The following AXDND1 variants were observed in gnomAD, a reference collection of about 807,000 sequenced individuals.
The protein encoded by AXDND1 is axonemal dynein light chain domain-containing protein 1.
AXDND1 carries 110 observed loss-of-function variants against 137.5 expected under a neutral mutation model. The observed-to-expected ratio is 0.80, with a 90% CI of 0.69 to 0.94. The LOEUF (loss-of-function observed/expected upper bound fraction) is 0.94. Ranked by LOEUF, AXDND1 falls within the 40% of genes least tolerant of loss-of-function variation. The pLI is 0.00. For synonymous variants in AXDND1, 414 were observed against 399.7 expected (o/e 1.04, Z -0.43); for missense variants, 1,191 against 1,169.8 (o/e 1.02, Z -0.26).
At chr1:179,403,126 AAC>A (rs756043305) in intron 11 of AXDND1, among the ~76,000 whole-genome samples, 17 of 152,338 alleles carry the variant, frequency 1.1e-4, no homozygotes, top group Admixed American at 4.6e-4. Context: ...ACAGTCAATT[AAC>A]ACATATTTTG....
intron 11 of AXDND1, among the ~76,000 whole-genome samples, chr1:179,410,885 AT>A (rs1653765413): frequency 6.6e-6 from 1 of 152,174 alleles, no homozygotes; most frequent in Non-Finnish European, 1.5e-5. Flanking sequence ...AAGATGAAAA[AT>A]GTTTAGAGCA....
Position 179,468,429 on chromosome 1 carries a change from T to G in AXDND1, c.1799-14T>G. On this transcript the variant is annotated splice_polypyrimidine_tract_variant and intron_variant, in intron 16 of 25. Coordinates refer to ENST00000367618, the MANE Select transcript of AXDND1 (RefSeq NM_144696.6). ...AAATATTTCTAAAAGTTAATGCTTT[T>G]CTTACTTTTCTAGGTTACTCCAAAA... 6.5e-7 allele frequency: 1 copy of G among 1,549,898 alleles called. No homozygotes were observed. The highest frequency in any genetic ancestry group is 8.8e-7 in the Non-Finnish European group (1 of 1,135,340).
intron 12 of AXDND1, among the ~76,000 whole-genome samples, chr1:179,428,289 G>T (rs1487855475): frequency 6.6e-6 from 1 of 152,234 alleles, no homozygotes; most frequent in Non-Finnish European, 1.5e-5. Flanking sequence ...TATTTCAATA[G>T]TAGAGAGCTG....
At chr1:179,379,623 G>A (rs1308363137) in intron 6 of AXDND1, 141 bp downstream of exon 6, 7 of 1,095,686 alleles carry the variant, frequency 6.4e-6, no homozygotes, top group Admixed American at 6.3e-5. Context: ...GTGAAAGTCC[G>A]TCTCTACAGA....
chr1:179,513,083 A>G (rs902916126), intron 21 of AXDND1, among the ~76,000 whole-genome samples: 6 of 152,142 alleles, frequency 3.9e-5, no homozygotes, highest in Non-Finnish European at 8.8e-5. Context: ...TCTGGCTGGG[A>G]CTTCCAGTTC....
intron 15 of AXDND1, among the ~76,000 whole-genome samples, chr1:179,441,033 G>A (rs11802637): frequency 0.29 from 44,639 of 152,056 alleles, 6,771 homozygotes; most frequent in Non-Finnish European, 0.31. Context: ...TCCACCTGGA[G>A]TAGGGTGAGG....
chr1:179,473,986 G>A (rs1664288550), intron 17 of AXDND1, among the ~76,000 whole-genome samples: 1 of 152,102 alleles, frequency 6.6e-6, no homozygotes, highest in African/African-American at 2.4e-5. Flanking sequence ...CATTTTGGGA[G>A]GCCAACGTGG....
chr1:179,491,196 A>C (rs1415748278), intron 18 of AXDND1, among the ~76,000 whole-genome samples: 2 of 152,150 alleles, frequency 1.3e-5, no homozygotes, highest in Non-Finnish European at 1.5e-5. Context: ...TGGTGGTCCC[A>C]GCTACTCAGG....
intron 3 of AXDND1, 76 bp from the exon 4 acceptor site, chr1:179,369,899 A>T: frequency 8.9e-7 from 1 of 1,127,682 alleles, no homozygotes; most frequent in Admixed American, 2.0e-5. Context: ...TACAGTACTT[A>T]CTCAAAACTA....
rs199761398 is a variant in AXDND1 at position 179,541,672 on chromosome 1, CATA to C, written c.3031+6717_3031+6719del. Among the ~76,000 whole-genome samples the C allele has an allele frequency of 8.9e-4, 121 of 135,710 alleles. 1 individual carries two copies. The East Asian group carries it at 0.022, about 25-fold the overall frequency. 89.0% of individuals were successfully genotyped at this position (135,710 alleles called of 152,430 possible). The stretch of plus-strand genomic sequence containing the variant: ...TGCATAATATATGCATGATAATATG[CATA>C]ATAATATTGCATGATAATATGCATG... On this transcript the variant is annotated intron_variant, in intron 25 of 25. Coordinates refer to ENST00000367618, the MANE Select transcript of AXDND1 (RefSeq NM_144696.6).
intron 21 of AXDND1, among the ~76,000 whole-genome samples, chr1:179,515,342 G>A (rs559906427): frequency 2.0e-5 from 3 of 152,132 alleles, no homozygotes; most frequent in African/African-American, 4.8e-5. Context: ...GCTTAGTTTC[G>A]CTGGATACAA....
intron 20 of AXDND1, among the ~76,000 whole-genome samples, chr1:179,493,903 T>G (rs1667183372): frequency 6.6e-6 from 1 of 152,202 alleles, no homozygotes; most frequent in African/African-American, 2.4e-5. Context: ...CAGCAGTATC[T>G]GAGAGTTCCA....
intron 11 of AXDND1, among the ~76,000 whole-genome samples, chr1:179,406,490 T>G (rs1162513670): frequency 6.6e-6 from 1 of 152,172 alleles, no homozygotes. Context: ...TTAGCTTCCA[T>G]CTGTCTCTTT....
chr1:179,550,973 C>T lies in AXDND1; in HGVS notation c.3032-3539C>T, dbSNP rs2274623. On this transcript the variant is annotated intron_variant, in intron 25 of 25. Transcript: ENST00000367618. ...ATAATTGCTCTGACTAGATGAGTCA[C>T]GGAAACATGTTGTCTGCCTTCTCTG... 130,408 of 652,868 alleles carry T rather than the reference C, an allele frequency of 0.2. 14,479 individuals carry two copies. Among genetic ancestry groups the T allele is most frequent in the East Asian group, 0.35 (12,645 of 35,874 alleles). The allele number at this position is 652,868 out of a possible 1,614,324, so 40.4% of individuals were successfully genotyped here. A position where few individuals can be genotyped will look rare whatever the true frequency, so the allele number is the denominator to read the frequency against.
At chr1:179,447,580 A>AG in intron 16 of AXDND1, 3 of 1,026,260 alleles carry the variant, frequency 2.9e-6, no homozygotes, top group South Asian at 3.7e-5. Context: ...ATGAAGTTGA[A>AG]GAAAGGTTCA....
At chr1:179,536,785 C>G (rs1671593829) in intron 25 of AXDND1, among the ~76,000 whole-genome samples, 1 of 152,188 alleles carries the variant, frequency 6.6e-6, no homozygotes, top group African/African-American at 2.4e-5. Flanking sequence ...AGCATTGAAT[C>G]TACAAATTAC....
chr1:179,488,895 A>G (rs1307680806), intron 18 of AXDND1, among the ~76,000 whole-genome samples: 3 of 145,028 alleles, frequency 2.1e-5, no homozygotes, highest in East Asian at 3.9e-4. Flanking sequence ...CCACCACACC[A>G]GGCCAATTTT....
intron 16 of AXDND1, among the ~76,000 whole-genome samples, chr1:179,447,278 T>C (rs1659873595): frequency 6.6e-6 from 1 of 152,202 alleles, no homozygotes; most frequent in Non-Finnish European, 1.5e-5. Context: ...AAGATCAAAT[T>C]TTTTAGGTTC....
chr1:179,442,677 C>T (rs1659156284), intron 15 of AXDND1, among the ~76,000 whole-genome samples: 1 of 152,174 alleles, frequency 6.6e-6, no homozygotes. Context: ...CTCTCGGTAC[C>T]TCTTTAGGGC....
Sources: allele counts gnomAD v4.1 joint callset (sites outside exome capture counted in the v4.1 genomes callset), GRCh38; gene constraint gnomAD v4.1.1; transcripts MANE v1.5; gene names NCBI Gene and HGNC (gene_info 2026-07-23, HGNC 2026-07-21).